DPYD: variants seen among roughly 807,000 people sequenced by gnomAD.
DPYD encodes dihydropyrimidine dehydrogenase [NADP(+)].
DPYD carries 109 observed loss-of-function variants against 116.2 expected under a neutral mutation model. That is an observed-to-expected ratio of 0.94 (90% CI 0.80 to 1.10). The LOEUF (loss-of-function observed/expected upper bound fraction) is 1.10, where lower values mean the gene tolerates loss of function less well. Among genes scored for constraint, DPYD ranks in the 50% least tolerant of loss-of-function variants. The pLI, the probability that DPYD is intolerant of heterozygous loss-of-function variation, is 0.00. For missense variants in DPYD, 1,302 were observed against 1,254.5 expected, an observed-to-expected ratio of 1.04 and a Z score of -0.57; for synonymous variants, 440 against 432.0, an observed-to-expected ratio of 1.02 and a Z score of -0.23.
intron 2 of DPYD, among the ~76,000 whole-genome samples, chr1:97,839,906 T>C (rs999578245): frequency 4.6e-5 from 7 of 152,224 alleles, no homozygotes; most frequent in Non-Finnish European, 1.0e-4. Flanking sequence ...AAGCATTTTA[T>C]AATTCCCTGG....
intron 5 of DPYD, among the ~76,000 whole-genome samples, chr1:97,717,655 C>A (rs1246241337): frequency 6.6e-6 from 1 of 152,018 alleles, no homozygotes; most frequent in Non-Finnish European, 1.5e-5. Flanking sequence ...GCTTTTGTGT[C>A]CTCACAAGTC....
intron 20 of DPYD, among the ~76,000 whole-genome samples, chr1:97,152,672 G>A (rs1242227189): frequency 1.3e-5 from 2 of 150,836 alleles, no homozygotes; most frequent in African/African-American, 2.4e-5. Context: ...AGATATTGCT[G>A]TATATATTCT....
At chr1:97,505,535 A>C (rs1647270471) in intron 13 of DPYD, among the ~76,000 whole-genome samples, 1 of 151,768 alleles carries the variant, frequency 6.6e-6, no homozygotes. Flanking sequence ...ATATTAAGTA[A>C]CATTTTAGTA....
intron 10 of DPYD, among the ~76,000 whole-genome samples, chr1:97,591,543 T>C (rs191738638): frequency 6.6e-6 from 1 of 152,346 alleles, no homozygotes; most frequent in East Asian, 1.9e-4. Flanking sequence ...AGTTTGTTTG[T>C]GTCTTAGTTC....
intron 8 of DPYD, among the ~76,000 whole-genome samples, chr1:97,673,302 A>G (rs985019790): frequency 1.3e-5 from 2 of 151,736 alleles, no homozygotes; most frequent in Non-Finnish European, 2.9e-5. Context: ...TGTTACTGCT[A>G]TTATTACCAA....
intron 14 of DPYD, among the ~76,000 whole-genome samples, chr1:97,406,664 G>A (rs7521383): frequency 4.0e-5 from 6 of 151,218 alleles, no homozygotes; most frequent in South Asian, 2.1e-4. Flanking sequence ...GCTCTTTAGC[G>A]TTTTACTTGT....
intron 12 of DPYD, among the ~76,000 whole-genome samples, chr1:97,543,308 C>T (rs755607984): frequency 9.9e-5 from 15 of 151,972 alleles, no homozygotes; most frequent in Non-Finnish European, 1.9e-4. Flanking sequence ...GGTACCCTCC[C>T]GAAGTCAAGT....
chr1:97,664,565 C>A (rs969356135), intron 8 of DPYD, among the ~76,000 whole-genome samples: 1 of 151,404 alleles, frequency 6.6e-6, no homozygotes, highest in African/African-American at 2.4e-5. Context: ...TAGTTTTATA[C>A]CTTGGGTATA....
intron 18 of DPYD, among the ~76,000 whole-genome samples, chr1:97,269,959 C>T (rs1664472158): frequency 6.6e-6 from 1 of 152,082 alleles, no homozygotes; most frequent in Admixed American, 6.6e-5. Flanking sequence ...GCCCAAATTC[C>T]CTCTGAAAAG....
chr1:97,748,233 G>A (rs920752746), intron 3 of DPYD, among the ~76,000 whole-genome samples: 3 of 152,186 alleles, frequency 2.0e-5, no homozygotes, highest in African/African-American at 7.2e-5. Context: ...TGAAAGTTGA[G>A]GAACAGGTAG....
chr1:97,431,515 T>C (rs1297354468), intron 14 of DPYD, among the ~76,000 whole-genome samples: 4 of 152,184 alleles, frequency 2.6e-5, no homozygotes, highest in Admixed American at 1.3e-4. Context: ...TATTGGACAC[T>C]GTGGCATATT....
chr1:97,290,654 T>C (rs539149984), intron 18 of DPYD, among the ~76,000 whole-genome samples: 6 of 152,232 alleles, frequency 3.9e-5, no homozygotes, highest in Non-Finnish European at 5.9e-5. Flanking sequence ...TGAAACTGGA[T>C]CCCTTCCTTA....
At chr1:97,341,591 A>T (rs1320489431) in intron 16 of DPYD, among the ~76,000 whole-genome samples, 1 of 152,194 alleles carries the variant, frequency 6.6e-6, no homozygotes, top group East Asian at 1.9e-4. Context: ...TGAAATTTAC[A>T]TTAAAAACTT....
At chr1:97,361,384 A>C (rs747897916) in intron 16 of DPYD, among the ~76,000 whole-genome samples, 5 of 152,234 alleles carry the variant, frequency 3.3e-5, no homozygotes, top group Non-Finnish European at 5.9e-5. Context: ...TACAAAGAGG[A>C]GTTGATACCA....
intron 16 of DPYD, among the ~76,000 whole-genome samples, chr1:97,308,782 T>C (rs1667310418): frequency 6.6e-6 from 1 of 151,886 alleles, no homozygotes; most frequent in African/African-American, 2.4e-5. Context: ...AGAATCTTAT[T>C]GAAATAAATA....
intron 12 of DPYD, among the ~76,000 whole-genome samples, chr1:97,548,116 C>CAAAACAAGAGTGGTA (rs1651039503): frequency 2.0e-5 from 3 of 151,650 alleles, no homozygotes; most frequent in Non-Finnish European, 4.4e-5. Flanking sequence ...ACAAGAGAAC[C>CAAAACAAGAGTGGTA]AAAACAAGAG....
intron 19 of DPYD, among the ~76,000 whole-genome samples, chr1:97,198,109 A>C (rs1047582169): frequency 6.6e-6 from 1 of 152,010 alleles, no homozygotes; most frequent in Non-Finnish European, 1.5e-5. Flanking sequence ...TCAGGTGGGG[A>C]TCTTTTTAAA....
At chr1:97,777,747 GC>G (rs1666495918) in intron 3 of DPYD, among the ~76,000 whole-genome samples, 1 of 152,120 alleles carries the variant, frequency 6.6e-6, no homozygotes, top group Non-Finnish European at 1.5e-5. Flanking sequence ...AACAAGACAT[GC>G]TTTTTGGTTT....
intron 20 of DPYD, among the ~76,000 whole-genome samples, chr1:97,163,366 G>T (rs1375746640): frequency 1.3e-5 from 2 of 152,192 alleles, no homozygotes; most frequent in South Asian, 2.1e-4. Flanking sequence ...ACTATATGTA[G>T]TTGAGGTGCT....
Sources: allele counts gnomAD v4.1 joint callset (sites outside exome capture counted in the v4.1 genomes callset), GRCh38; gene constraint gnomAD v4.1.1; transcripts MANE v1.5; gene names NCBI Gene and HGNC (gene_info 2026-07-23, HGNC 2026-07-21).